ARHGAP21: variants seen among roughly 807,000 people sequenced by gnomAD.
ARHGAP21 encodes Rho GTPase activating protein 21, also known as rho GTPase-activating protein 21.
In ARHGAP21, 38 loss-of-function variants were observed where a neutral mutation model predicts 164.6. The observed-to-expected ratio is 0.23, with a 90% CI of 0.18 to 0.30. The LOEUF is 0.30. Ranked by LOEUF, ARHGAP21 falls within the 10% of genes least tolerant of loss-of-function variation. The probability of loss-of-function intolerance (pLI) is 1.00; values close to 1 mark genes in which losing one functional copy is unlikely to be tolerated. For missense variants in ARHGAP21, 1,822 were observed against 2,370.7 expected (o/e 0.77, Z 4.81); for synonymous variants, 766 against 857.9 (o/e 0.89, Z 1.87).
At chr10:24,616,559 C>A (rs961447881) in intron 9 of ARHGAP21, among the ~76,000 whole-genome samples, 2 of 152,180 alleles carry the variant, frequency 1.3e-5, no homozygotes, top group African/African-American at 4.8e-5. Context: ...TTAGGGCTAA[C>A]CCTCAACTGA....
Position 24,584,734 on chromosome 10 carries a change from C to G in ARHGAP21, c.5555G>C (p.Trp1852Ser). 1 of 1,613,938 alleles carries G rather than the reference C, an allele frequency of 6.2e-7. No homozygotes were observed. The highest frequency in any genetic ancestry group is 8.5e-7 in the Non-Finnish European group (1 of 1,179,868). The change falls in exon 26 of 26, where the codon TGG (tryptophan) becomes TCG (serine). Residue 1852 changes from tryptophan (W) to serine (S), a missense_variant. Transcript: ENST00000396432. ...CSAQDLSISD[W>S]LARERLRTST... ...GGTGCGTAGGCGTTCCCTGGCCAGC[C>G]AGTCTGAGATGGAAAGGTCCTGGGC...
At chr10:24,655,906 A>G (rs1593183799) in intron 4 of ARHGAP21, among the ~76,000 whole-genome samples, 2 of 105,544 alleles carry the variant, frequency 1.9e-5, no homozygotes, top group Non-Finnish European at 3.9e-5. Flanking sequence ...CCCGGCCGAG[A>G]CCCCGTCTGG....
chr10:24,619,509 G>C lies in ARHGAP21; in HGVS notation c.2386C>G (p.Pro796Ala). 1 of 1,614,096 alleles carries C rather than the reference G, an allele frequency of 6.2e-7. No homozygotes were observed. The highest frequency in any genetic ancestry group is 8.5e-7 in the Non-Finnish European group (1 of 1,180,022). ...MEERKASSTS[P>A]PGDSLASIPF... ...ATGGAAGCCAAAGAATCGCCAGGCG[G>C]ACTGGTACTCGAGGCTTTTCTTTCC... is the stretch of plus-strand genomic sequence containing the variant. Residue 796 changes from proline (P) to alanine (A), a missense_variant, in exon 9 of 26, where the codon CCG becomes GCG. Pro to Ala is a conservative substitution (Grantham distance 27, BLOSUM62 -1). Around this residue, in one of 5 missense-constraint regions of ARHGAP21, gnomAD observed 1,090 missense variants for 1,378.9 expected, o/e 0.79. Transcript: ENST00000396432.
At chr10:24,720,692 C>A (rs1490859635) in intron 2 of ARHGAP21, among the ~76,000 whole-genome samples, 1 of 152,172 alleles carries the variant, frequency 6.6e-6, no homozygotes, top group African/African-American at 2.4e-5. Context: ...ACTTCTGATT[C>A]ATTTTTATTA....
rs529403188 is a variant in ARHGAP21, at chr10:24,637,690, G to A, written c.269-2587C>T. ...ATAATGTGGTGTTAATTCTACAAAA[G>A]AAATACTAATTTTGAAATGACTACC... On this transcript the variant is annotated intron_variant, in intron 4 of 25. Coordinates refer to ENST00000396432, the MANE Select transcript of ARHGAP21 (RefSeq NM_020824.4). Among the ~76,000 whole-genome samples, 4 of 152,168 alleles carry A rather than the reference G, an allele frequency of 2.6e-5. No individual in the cohort carries two copies. In the South Asian group the frequency reaches 8.3e-4, roughly 32 times the overall value.
chr10:24,665,664 C>T (rs1423007829), intron 4 of ARHGAP21, among the ~76,000 whole-genome samples: 2 of 152,218 alleles, frequency 1.3e-5, no homozygotes, highest in Non-Finnish European at 2.9e-5. Context: ...TTTGATATCA[C>T]ATCTTAATTG....
chr10:24,677,957 G>A (rs1307781596), intron 2 of ARHGAP21, among the ~76,000 whole-genome samples: 1 of 152,038 alleles, frequency 6.6e-6, no homozygotes, highest in Non-Finnish European at 1.5e-5. Flanking sequence ...TAGATTCACA[G>A]GTAGTTTTAA....
chr10:24,621,154 T>G lies in ARHGAP21; in HGVS notation c.741A>C (p.Glu247Asp), dbSNP rs759177671. 1 of 1,613,782 alleles carries G rather than the reference T, an allele frequency of 6.2e-7. No individual in the cohort carries two copies. Among genetic ancestry groups the G allele is most frequent in the East Asian group, 2.2e-5 (1 of 44,878 alleles). Residue 247 changes from glutamate (E) to aspartate (D), a missense_variant, in exon 9 of 26, where the codon GAA becomes GAC. Around this residue, in one of 5 missense-constraint regions of ARHGAP21, gnomAD observed 1,090 missense variants for 1,378.9 expected, o/e 0.79. Coordinates refer to ENST00000396432, the MANE Select transcript of ARHGAP21 (RefSeq NM_020824.4). ...LTQPGRAYRM[E>D]IQVPPSPTDV... ...CTGTTGGTGATGGAGGCACTTGTAT[T>G]TCCATTCTATAGGCCCTACCAGGTT... is the stretch of plus-strand genomic sequence containing the variant.
chr10:24,654,027 C>T (rs1215839234), intron 4 of ARHGAP21, among the ~76,000 whole-genome samples: 1 of 152,070 alleles, frequency 6.6e-6, no homozygotes, highest in African/African-American at 2.4e-5. Flanking sequence ...AAGACAAAAA[C>T]CACGATTATC....
At chr10:24,712,500 T>C (rs1419218011) in intron 2 of ARHGAP21, among the ~76,000 whole-genome samples, 1 of 152,150 alleles carries the variant, frequency 6.6e-6, no homozygotes, top group African/African-American at 2.4e-5. Context: ...CAGTAAATCA[T>C]CTCTAAATTA....
chr10:24,622,433 CATATATATATATAT>C (rs10530408), intron 8 of ARHGAP21, among the ~76,000 whole-genome samples: 2,077 of 89,608 alleles, frequency 0.023, 60 homozygotes, highest in South Asian at 0.064. Flanking sequence ...ACTTAAAAAA[CATATATATATATAT>C]ATATATATAT....
rs2077235458 is a variant in ARHGAP21 at position 24,611,038 on chromosome 10, TTG to T, written c.2423-3137_2423-3136del. ...TCACTTTAAGATGTTCTCATCCTATTTGTTCCTCTTCGTGTTCCGCAAGATAA... is the reference window on the plus strand; with the variant it reads ...TCACTTTAAGATGTTCTCATCCTATTTTCCTCTTCGTGTTCCGCAAGATAA... On this transcript the variant is annotated intron_variant, in intron 9 of 25. Transcript: ENST00000396432. Among the ~76,000 whole-genome samples the T allele has an allele frequency of 3.9e-5, 6 of 152,238 alleles. No individual in the cohort carries two copies. In the South Asian group the frequency reaches 1.2e-3, roughly 31 times the overall value.
At chr10:24,675,730 G>A (rs1841150422) in intron 2 of ARHGAP21, among the ~76,000 whole-genome samples, 1 of 152,152 alleles carries the variant, frequency 6.6e-6, no homozygotes, top group African/African-American at 2.4e-5. Context: ...CCAACAGCAT[G>A]GGTAATGTAT....
intron 4 of ARHGAP21, among the ~76,000 whole-genome samples, chr10:24,639,269 C>T (rs1042466659): frequency 5.3e-5 from 8 of 152,104 alleles, no homozygotes; most frequent in African/African-American, 7.2e-5. Flanking sequence ...ATTGAGCATT[C>T]TGTATTTCAT....
At chr10:24,717,403 G>A (rs1246540800) in intron 2 of ARHGAP21, among the ~76,000 whole-genome samples, 3 of 152,184 alleles carry the variant, frequency 2.0e-5, no homozygotes, top group Non-Finnish European at 4.4e-5. Flanking sequence ...AATCCAAGGG[G>A]GATATAGATA....
intron 2 of ARHGAP21, among the ~76,000 whole-genome samples, chr10:24,709,689 T>C (rs1429397988): frequency 1.3e-5 from 2 of 151,274 alleles, no homozygotes; most frequent in African/African-American, 4.9e-5. Context: ...CAGTAAGCCA[T>C]GTTCATGTCA....
intron 3 of ARHGAP21, 30 bp downstream of exon 3, chr10:24,670,188 T>C (rs746121690): frequency 6.7e-6 from 10 of 1,503,462 alleles, no homozygotes; most frequent in African/African-American, 1.4e-5. Flanking sequence ...TGTGGTTTTT[T>C]TTTCAAGTTG....
chr10:24,705,924 GA>G (rs1278014624), intron 2 of ARHGAP21, among the ~76,000 whole-genome samples: 2 of 152,144 alleles, frequency 1.3e-5, no homozygotes, highest in Admixed American at 1.3e-4. Flanking sequence ...GGGATAAAGG[GA>G]AAAATAAGAG....
chr10:24,583,960 T>C lies in ARHGAP21; in HGVS notation c.*452A>G, dbSNP rs908656996. On this transcript the variant is annotated 3_prime_UTR_variant, in exon 26 of 26. Coordinates refer to ENST00000396432, the MANE Select transcript of ARHGAP21 (RefSeq NM_020824.4). ...GTTCTGTATCCACCTGTGTTAAAAC[T>C]GGTAAATGTAATGATATCTGTTACC... 7.9e-5 allele frequency: 12 copies of C among 152,666 alleles called. No individual in the cohort carries two copies. Among genetic ancestry groups the C allele is most frequent in the African/African-American group, 2.9e-4 (12 of 41,454 alleles). The allele number at this position is 152,666 out of a possible 1,614,324, so 9.5% of individuals were successfully genotyped here. A position where few individuals can be genotyped will look rare whatever the true frequency, so the allele number is the denominator to read the frequency against.
Sources: allele counts gnomAD v4.1 joint callset (sites outside exome capture counted in the v4.1 genomes callset), GRCh38; gene constraint gnomAD v4.1.1; regional missense constraint gnomAD v4.1.1; transcripts MANE v1.5; gene names NCBI Gene and HGNC (gene_info 2026-07-23, HGNC 2026-07-21).